The following ZYG11A variants were observed in gnomAD, a reference collection of about 807,000 sequenced individuals.
ZYG11A encodes the protein zyg-11 family member A, cell cycle regulator, also known as protein zyg-11 homolog A.
In ZYG11A, 62 loss-of-function variants were observed where a neutral mutation model predicts 77.2. The observed-to-expected ratio is 0.80, with a 90% CI of 0.65 to 0.99. The LOEUF (loss-of-function observed/expected upper bound fraction) is 0.99, where lower values mean the gene tolerates loss of function less well. ZYG11A is among the 50% of genes least tolerant of loss of function. The probability of loss-of-function intolerance (pLI) is 0.00; values close to 1 mark genes in which losing one functional copy is unlikely to be tolerated. For missense variants in ZYG11A, 828 were observed against 896.8 expected (o/e 0.92, Z 0.98); for synonymous variants, 315 against 324.6 (o/e 0.97, Z 0.32).
In ZYG11A at chr1:52,893,799, T is replaced by C. The variant is rs1302853527; in HGVS notation, c.*842T>C. 1 of 148,290 alleles carries C rather than the reference T, an allele frequency of 6.7e-6. No individual in the cohort carries two copies. Among genetic ancestry groups the C allele is most frequent in the African/African-American group, 2.5e-5 (1 of 39,354 alleles). The allele number at this position is 148,290 out of a possible 1,614,324, so 9.2% of individuals were successfully genotyped here. A position where few individuals can be genotyped will look rare whatever the true frequency, so the allele number is the denominator to read the frequency against. On this transcript the variant is annotated 3_prime_UTR_variant, in exon 14 of 14. Transcript: ENST00000371528. The stretch of plus-strand genomic sequence containing the variant: ...GAGGGGTGGAGAAAAGAGAAATATA[T>C]TTTTTTACCTTTTTTTTTTTTTTTT...
At chr1:52,867,344 C>G (rs1266991840) in intron 6 of ZYG11A, among the ~76,000 whole-genome samples, 195 bp from the exon 7 acceptor site, 1 of 152,108 alleles carries the variant, frequency 6.6e-6, no homozygotes, top group African/African-American at 2.4e-5. Context: ...ATTTTGCTTA[C>G]GTTCTTATTT....
Position 52,842,835 on chromosome 1 carries a change from T to TCCGGCTCGACG in ZYG11A, c.-41_-31dup. 1.3e-6 allele frequency: 2 copies of TCCGGCTCGACG among 1,508,808 alleles called. No individual in the cohort carries two copies. Among genetic ancestry groups the TCCGGCTCGACG allele is most frequent in the South Asian group, 2.5e-5 (2 of 80,736 alleles). The allele number at this position is 1,508,808 out of a possible 1,614,324, so 93.5% of individuals were successfully genotyped here. A position where few individuals can be genotyped will look rare whatever the true frequency, so the allele number is the denominator to read the frequency against. On this transcript the variant is annotated 5_prime_UTR_variant, in exon 1 of 14. Transcript: ENST00000371528. ...CGCTTGGTTCTCGCGGGATCCGGGC[T>TCCGGCTCGACG]CCGGCTCGACGCCGGCTCTCTTTTT...
chr1:52,858,090 C>A (rs75222885), intron 3 of ZYG11A, among the ~76,000 whole-genome samples: 5 of 149,554 alleles, frequency 3.3e-5, no homozygotes, highest in African/African-American at 1.2e-4. Flanking sequence ...CCTGGCCACA[C>A]GTGAGAATAT....
chr1:52,889,948 C>T (rs958925672), intron 13 of ZYG11A, among the ~76,000 whole-genome samples: 4 of 151,266 alleles, frequency 2.6e-5, no homozygotes, highest in Non-Finnish European at 5.9e-5. Context: ...CTCCGGACCT[C>T]ATGATCCACC....
intron 4 of ZYG11A, among the ~76,000 whole-genome samples, chr1:52,862,351 G>A (rs1402972811): frequency 8.3e-5 from 12 of 143,780 alleles, no homozygotes; most frequent in East Asian, 2.1e-4. Context: ...TCGCTCTGTC[G>A]CCTAGGCTGG....
chr1:52,892,093 G>T (rs1646553364), intron 13 of ZYG11A, among the ~76,000 whole-genome samples: 2 of 149,508 alleles, frequency 1.3e-5, no homozygotes, highest in African/African-American at 2.5e-5. Flanking sequence ...TAGAGACGGG[G>T]TTTCACCGTG....
chr1:52,876,380 C>T (rs1346179894), intron 8 of ZYG11A, among the ~76,000 whole-genome samples: 1 of 151,992 alleles, frequency 6.6e-6, no homozygotes, highest in African/African-American at 2.4e-5. Flanking sequence ...ATCCCAGGAA[C>T]ATAAAGTTGC....
At chr1:52,865,933 GTTTTTTTTT>G (rs35299513) in intron 5 of ZYG11A, among the ~76,000 whole-genome samples, 2 of 96,810 alleles carry the variant, frequency 2.1e-5, no homozygotes, top group African/African-American at 3.9e-5. Context: ...TGTAAAGGGA[GTTTTTTTTT>G]TTTTTTTTTT....
chr1:52,889,400 T>C (rs1646501302), intron 13 of ZYG11A, among the ~76,000 whole-genome samples: 1 of 151,420 alleles, frequency 6.6e-6, no homozygotes, highest in Non-Finnish European at 1.5e-5. Flanking sequence ...CAAATGAGTA[T>C]TTCTTTAAAA....
At chr1:52,870,123 G>C (rs1325175286) in intron 8 of ZYG11A, among the ~76,000 whole-genome samples, 1 of 147,634 alleles carries the variant, frequency 6.8e-6, no homozygotes, top group Non-Finnish European at 1.5e-5. Context: ...CGGGGCAGAG[G>C]CTCTCCCCAC....
chr1:52,894,652 C>G lies in ZYG11A; in HGVS notation c.*1695C>G, dbSNP rs1239314601. 6.6e-6 allele frequency: 1 copy of G among 152,210 alleles called. No homozygotes were observed. Among genetic ancestry groups the G allele is most frequent in the Non-Finnish European group, 1.5e-5 (1 of 68,040 alleles). 9.4% of individuals were successfully genotyped at this position (152,210 alleles called of 1,614,324 possible). ...AGTACCATGTACTGTCTTTGGAAATCAAATGAGGAAGAAGCTCATTCTCTT... is the reference window on the plus strand; with the variant it reads ...AGTACCATGTACTGTCTTTGGAAATGAAATGAGGAAGAAGCTCATTCTCTT... On this transcript the variant is annotated 3_prime_UTR_variant, in exon 14 of 14. Transcript: ENST00000371528.
At chr1:52,885,310 T>TTTTTCTTTTG (rs112988376) in intron 11 of ZYG11A, among the ~76,000 whole-genome samples, 4 of 150,538 alleles carry the variant, frequency 2.7e-5, no homozygotes, top group African/African-American at 4.9e-5. Context: ...TGGTTTGTGT[T>TTTTTCTTTTG]TTTTGTTTTG....
chr1:52,886,942 T>C lies in ZYG11A; in HGVS notation c.2007-14T>C, dbSNP rs1199720100. The C allele has an allele frequency of 6.8e-7, 1 of 1,467,398 alleles. No individual in the cohort carries two copies. The highest frequency in any genetic ancestry group is 2.0e-5 in the Admixed American group (1 of 50,772). 90.9% of individuals were successfully genotyped at this position (1,467,398 alleles called of 1,614,324 possible). A position where few individuals can be genotyped will look rare whatever the true frequency, so the allele number is the denominator to read the frequency against. ...TGTTCTGGATTAACATCTTTGTACT[T>C]TTTTTTGTTTTAGATCTTTCAAGAC... On this transcript the variant is annotated splice_polypyrimidine_tract_variant and intron_variant, in intron 12 of 13. Coordinates refer to ENST00000371528, the MANE Select transcript of ZYG11A (RefSeq NM_001004339.3).
chr1:52,876,569 T>TA (rs1012236311), intron 8 of ZYG11A, among the ~76,000 whole-genome samples: 66 of 152,314 alleles, frequency 4.3e-4, no homozygotes, highest in African/African-American at 1.5e-3. Context: ...ATCATTAAGC[T>TA]AAATCGTATG....
intron 12 of ZYG11A, among the ~76,000 whole-genome samples, chr1:52,886,352 G>C (rs1571882224): frequency 1.3e-5 from 2 of 152,130 alleles, no homozygotes; most frequent in African/African-American, 4.8e-5. Flanking sequence ...TAGAAGGTCA[G>C]CTTTCCTTGT....
At position 52,857,552 on chromosome 1, in the gene ZYG11A, T is replaced by A. The variant is rs945733014; in HGVS notation, c.811T>A (p.Ser271Thr). 1 of 1,551,986 alleles carries A rather than the reference T, an allele frequency of 6.4e-7. No homozygotes were observed. Among genetic ancestry groups the A allele is most frequent in the Non-Finnish European group, 8.7e-7 (1 of 1,147,084 alleles). ...TATTTCTGATCACAGGCAACTCAAATCAGACCTAGCTTTTCATTTGCTACA... is the reference window on the plus strand; with the variant it reads ...TATTTCTGATCACAGGCAACTCAAAACAGACCTAGCTTTTCATTTGCTACA... Reference protein sequence around the residue: ...LDISDHRQLKSDLAFHLLQQK... With the variant: ...LDISDHRQLKTDLAFHLLQQK... Residue 271 changes from serine to threonine, a missense_variant, in exon 3 of 14, where the codon TCA becomes ACA. Coordinates refer to ENST00000371528, the MANE Select transcript of ZYG11A (RefSeq NM_001004339.3).
At chr1:52,885,276 G>A (rs1239852398) in intron 11 of ZYG11A, among the ~76,000 whole-genome samples, 1 of 150,808 alleles carries the variant, frequency 6.6e-6, no homozygotes, top group Admixed American at 6.6e-5. Flanking sequence ...AAATTTTTAA[G>A]TCTCTTAGGG....
rs1050261180 is a variant in ZYG11A at position 52,867,958 on chromosome 1, CTTTTTTT to C, written c.1542+201_1542+207del. Among the ~76,000 whole-genome samples, 10 of 98,164 alleles carry C rather than the reference CTTTTTTT, an allele frequency of 1.0e-4. No individual in the cohort carries two copies. The East Asian group carries it at 2.6e-3, about 25-fold the overall frequency. The allele number at this position is 98,164 out of a possible 152,430, so 64.4% of individuals were successfully genotyped here. A position where few individuals can be genotyped will look rare whatever the true frequency, so the allele number is the denominator to read the frequency against. ...TCTTTTGGTATGTACCTCCACATTT[CTTTTTTT>C]TTTTTTTTTTTTTTTTTTTGAGACA... On this transcript the variant is annotated intron_variant, in intron 8 of 13. Transcript: ENST00000371528.
At chr1:52,863,615 A>G (rs1210908487) in intron 4 of ZYG11A, among the ~76,000 whole-genome samples, 1 of 152,172 alleles carries the variant, frequency 6.6e-6, no homozygotes. Context: ...TCACAGTGTT[A>G]TTACTGTCAC....
Sources: allele counts gnomAD v4.1 joint callset (sites outside exome capture counted in the v4.1 genomes callset), GRCh38; gene constraint gnomAD v4.1.1; transcripts MANE v1.5; gene names NCBI Gene and HGNC (gene_info 2026-07-23, HGNC 2026-07-21).